Variants in GALNTL6 observed in about 807,000 individuals in gnomAD.
The protein encoded by GALNTL6 is polypeptide N-acetylgalactosaminyltransferase like 6, also known as polypeptide N-acetylgalactosaminyltransferase-like 6.
A neutral mutation model predicts 73.7 loss-of-function variants in GALNTL6; 46 were observed. The ratio of observed to expected loss-of-function variants is 0.62; its 90% CI spans 0.49 to 0.80. GALNTL6 has a LOEUF of 0.80. Ranked by LOEUF, GALNTL6 falls within the 30% of genes least tolerant of loss-of-function variation. The pLI, the probability that GALNTL6 is intolerant of heterozygous loss-of-function variation, is 0.00. For synonymous variants in GALNTL6, 259 were observed against 263.7 expected (o/e 0.98, Z 0.17); for missense variants, 604 against 755.0 (o/e 0.80, Z 2.34).
intron 8 of GALNTL6, among the ~76,000 whole-genome samples, chr4:172,906,398 C>T (rs1319348752): frequency 1.3e-5 from 2 of 152,252 alleles, no homozygotes; most frequent in African/African-American, 4.8e-5. Context: ...AACTGACCTT[C>T]AAAAAGAAAA....
At chr4:171,916,761 A>G (rs1426702027) in intron 2 of GALNTL6, among the ~76,000 whole-genome samples, 2 of 152,036 alleles carry the variant, frequency 1.3e-5, no homozygotes, top group Non-Finnish European at 2.9e-5. Flanking sequence ...AGGGAATTAT[A>G]ATATGTTCTG....
chr4:172,843,879 T>A (rs1388290440), intron 7 of GALNTL6, among the ~76,000 whole-genome samples: 1 of 152,054 alleles, frequency 6.6e-6, no homozygotes. Flanking sequence ...GGCACCATAG[T>A]GAGACCATGT....
chr4:172,895,235 C>G (rs759011186), intron 8 of GALNTL6, among the ~76,000 whole-genome samples: 3 of 150,806 alleles, frequency 2.0e-5, no homozygotes, highest in Admixed American at 6.6e-5. Context: ...CATTTTGTTA[C>G]TTGTTTTCTA....
chr4:172,499,078 T>G (rs1734170129), intron 5 of GALNTL6, among the ~76,000 whole-genome samples: 1 of 152,150 alleles, frequency 6.6e-6, no homozygotes. Context: ...AGTCCTCCAC[T>G]ATATCTCAAC....
At chr4:171,884,621 ATATACATG>A (rs1231555833) in intron 2 of GALNTL6, among the ~76,000 whole-genome samples, 2 of 152,060 alleles carry the variant, frequency 1.3e-5, no homozygotes, top group Non-Finnish European at 2.9e-5. Flanking sequence ...TAAAAATATG[ATATACATG>A]TATATACATG....
chr4:172,196,915 A>C (rs1735790201), intron 2 of GALNTL6, among the ~76,000 whole-genome samples: 1 of 152,194 alleles, frequency 6.6e-6, no homozygotes, highest in African/African-American at 2.4e-5. Flanking sequence ...CTCCTATTCA[A>C]CATAGTATTG....
At chr4:172,347,381 A>ACC (rs1741786327) in intron 4 of GALNTL6, among the ~76,000 whole-genome samples, 1 of 152,198 alleles carries the variant, frequency 6.6e-6, no homozygotes. Flanking sequence ...CTAATGTTTA[A>ACC]AAAACAATTG....
At chr4:172,673,209 T>C (rs765642390) in intron 5 of GALNTL6, among the ~76,000 whole-genome samples, 4 of 152,170 alleles carry the variant, frequency 2.6e-5, no homozygotes, top group Non-Finnish European at 4.4e-5. Context: ...GATTCTGGTA[T>C]GTTGCATCTT....
At chr4:171,948,188 C>T (rs1415482749) in intron 2 of GALNTL6, among the ~76,000 whole-genome samples, 1 of 151,494 alleles carries the variant, frequency 6.6e-6, no homozygotes, top group Admixed American at 6.6e-5. Context: ...AAAAAAATGA[C>T]AGTGAATGGC....
chr4:172,407,832 C>T (rs997194220), intron 5 of GALNTL6, among the ~76,000 whole-genome samples: 1 of 152,044 alleles, frequency 6.6e-6, no homozygotes, highest in Non-Finnish European at 1.5e-5. Context: ...TAATTCCATA[C>T]AATACCTATG....
At chr4:172,518,454 T>C (rs2110810183) in intron 5 of GALNTL6, among the ~76,000 whole-genome samples, 1 of 152,098 alleles carries the variant, frequency 6.6e-6, no homozygotes, top group South Asian at 2.1e-4. Flanking sequence ...TTACATATGA[T>C]GCAAACTCTT....
chr4:172,120,890 C>A (rs191018481), intron 2 of GALNTL6, among the ~76,000 whole-genome samples: 197 of 151,680 alleles, frequency 1.3e-3, no homozygotes, highest in African/African-American at 4.6e-3. Flanking sequence ...GATAGGCAGG[C>A]CTAGTTTGCC....
intron 2 of GALNTL6, among the ~76,000 whole-genome samples, chr4:172,062,214 A>G (rs1731228733): frequency 2.6e-5 from 4 of 152,104 alleles, no homozygotes; most frequent in South Asian, 4.2e-4. Flanking sequence ...TTGGCCTCCC[A>G]AAGTGCTGGG....
intron 3 of GALNTL6, among the ~76,000 whole-genome samples, chr4:172,291,823 C>A (rs1739485942): frequency 6.6e-6 from 1 of 151,680 alleles, no homozygotes; most frequent in Non-Finnish European, 1.5e-5. Context: ...AAAATTCTGC[C>A]AAAATTATAT....
chr4:172,807,758 G>C (rs1004800708), intron 5 of GALNTL6, among the ~76,000 whole-genome samples: 1 of 152,166 alleles, frequency 6.6e-6, no homozygotes, highest in Admixed American at 6.5e-5. Flanking sequence ...GAACAAAATA[G>C]AGGGGAACAT....
At chr4:171,954,391 G>A (rs1438862974) in intron 2 of GALNTL6, among the ~76,000 whole-genome samples, 1 of 152,154 alleles carries the variant, frequency 6.6e-6, no homozygotes, top group African/African-American at 2.4e-5. Flanking sequence ...ACTAGCTTGT[G>A]TTGTATAGTT....
At chr4:172,129,635 G>A (rs1733400156) in intron 2 of GALNTL6, among the ~76,000 whole-genome samples, 1 of 151,886 alleles carries the variant, frequency 6.6e-6, no homozygotes, top group Admixed American at 6.6e-5. Context: ...GTTAACCCAG[G>A]CATACAGATC....
intron 2 of GALNTL6, among the ~76,000 whole-genome samples, chr4:172,062,243 T>C (rs894132093): frequency 2.0e-5 from 3 of 152,038 alleles, no homozygotes; most frequent in Non-Finnish European, 4.4e-5. Context: ...CATAAGCCAC[T>C]ACTCCTGGCC....
At chr4:172,461,800 G>T (rs972648832) in intron 5 of GALNTL6, among the ~76,000 whole-genome samples, 10 of 152,164 alleles carry the variant, frequency 6.6e-5, no homozygotes, top group African/African-American at 2.4e-4. Context: ...ATAGATCTGT[G>T]ATGGTTAATT....
Sources: allele counts gnomAD v4.1 joint callset (sites outside exome capture counted in the v4.1 genomes callset), GRCh38; gene constraint gnomAD v4.1.1; transcripts MANE v1.5; gene names NCBI Gene and HGNC (gene_info 2026-07-23, HGNC 2026-07-21).